Variants in PCDHAC1 observed in about 807,000 individuals in gnomAD.
PCDHAC1 encodes protocadherin alpha subfamily C, 1.
A neutral mutation model predicts 60.0 loss-of-function variants in PCDHAC1; 42 were observed. That is an observed-to-expected ratio of 0.70 (90% CI 0.55 to 0.90). The LOEUF (loss-of-function observed/expected upper bound fraction) is 0.90. Among genes scored for constraint, PCDHAC1 ranks in the 40% least tolerant of loss-of-function variants. The pLI is 0.00. For missense variants in PCDHAC1, 1,160 were observed against 1,222.3 expected (o/e 0.95, Z 0.76); for synonymous variants, 468 against 499.3 (o/e 0.94, Z 0.84).
intron 1 of PCDHAC1, among the ~76,000 whole-genome samples, chr5:140,939,509 C>T (rs1013863525): frequency 9.3e-5 from 14 of 150,592 alleles, no homozygotes; most frequent in Non-Finnish European, 1.8e-4. Flanking sequence ...ATGTCTATAA[C>T]ATTAATAGTT....
chr5:140,984,981 A>G (rs2097130201), intron 3 of PCDHAC1, among the ~76,000 whole-genome samples: 1 of 151,972 alleles, frequency 6.6e-6, no homozygotes, highest in South Asian at 2.1e-4. Flanking sequence ...TCTGTCCCCC[A>G]GGCTGGAGTC....
chr5:140,967,969 C>T (rs997628696), intron 1 of PCDHAC1: 3 of 1,614,064 alleles, frequency 1.9e-6, no homozygotes, highest in African/African-American at 1.3e-5. Flanking sequence ...GGAAAGTGAG[C>T]CTGGGTCTGG....
intron 2 of PCDHAC1, chr5:140,982,197 A>G: frequency 1.5e-5 from 6 of 389,618 alleles, no homozygotes; most frequent in Non-Finnish European, 2.1e-5. Flanking sequence ...TTCCTGTTAG[A>G]TTTAGTGAGC....
At chr5:141,000,415 ATATATATTTTTT>A (rs1251582263) in intron 3 of PCDHAC1, among the ~76,000 whole-genome samples, 1 of 87,388 alleles carries the variant, frequency 1.1e-5, no homozygotes, top group East Asian at 3.4e-4. Context: ...ATATATATAT[ATATATATTTTTT>A]TTTTTTTTTT....
chr5:140,958,020 A>G (rs536128192), intron 1 of PCDHAC1, among the ~76,000 whole-genome samples: 90 of 152,262 alleles, frequency 5.9e-4, no homozygotes, highest in African/African-American at 2.1e-3. Context: ...TCAGCCAAGT[A>G]TACTATGCTT....
At chr5:140,936,849 G>A (rs927747848) in intron 1 of PCDHAC1, among the ~76,000 whole-genome samples, 1 of 152,006 alleles carries the variant, frequency 6.6e-6, no homozygotes, top group Non-Finnish European at 1.5e-5. Context: ...TGTAGATTCA[G>A]CTTCTCAGTT....
chr5:140,957,778 A>G (rs1554223119), intron 1 of PCDHAC1, among the ~76,000 whole-genome samples: 4 of 152,122 alleles, frequency 2.6e-5, no homozygotes, highest in African/African-American at 9.7e-5. Context: ...AGTAAAAACT[A>G]AGTTCATCAT....
intron 3 of PCDHAC1, among the ~76,000 whole-genome samples, chr5:140,998,830 C>G (rs1385890461): frequency 6.6e-6 from 1 of 152,200 alleles, no homozygotes; most frequent in African/African-American, 2.4e-5. Flanking sequence ...TCCCAAAGTG[C>G]TGGATTACTG....
intron 3 of PCDHAC1, among the ~76,000 whole-genome samples, chr5:141,005,659 G>T (rs963015988): frequency 1.6e-5 from 2 of 123,890 alleles, no homozygotes; most frequent in South Asian, 2.6e-4. Flanking sequence ...TCGAGATCGC[G>T]CCACTGCACT....
At chr5:140,976,888 A>C (rs1050816491) in intron 1 of PCDHAC1, among the ~76,000 whole-genome samples, 1 of 152,218 alleles carries the variant, frequency 6.6e-6, no homozygotes, top group Non-Finnish European at 1.5e-5. Context: ...ATTAGGATAC[A>C]TGCAACAGTA....
chr5:141,003,411 G>A (rs537266386), intron 3 of PCDHAC1, among the ~76,000 whole-genome samples: 4 of 152,092 alleles, frequency 2.6e-5, no homozygotes, highest in Non-Finnish European at 4.4e-5. Context: ...TCCCGGGTTC[G>A]AGTGATTCTT....
At chr5:140,958,652 G>A (rs991773774) in intron 1 of PCDHAC1, among the ~76,000 whole-genome samples, 15 of 152,030 alleles carry the variant, frequency 9.9e-5, no homozygotes, top group Admixed American at 2.6e-4. Flanking sequence ...ATCACAGAAA[G>A]CTATGATGAA....
At chr5:140,932,309 ATATAT>A (rs1441363335) in intron 1 of PCDHAC1, among the ~76,000 whole-genome samples, 6 of 151,956 alleles carry the variant, frequency 3.9e-5, no homozygotes, top group Non-Finnish European at 8.8e-5. Context: ...AAAGGTATAA[ATATAT>A]TAATGTAGCA....
chr5:140,941,286 CTCTT>C (rs5871754), intron 1 of PCDHAC1, among the ~76,000 whole-genome samples: 36,780 of 106,460 alleles, frequency 0.35, 6,423 homozygotes, highest in East Asian at 0.56. Flanking sequence ...TCCTTCCTTT[CTCTT>C]TCTTTCTTTC....
rs782681619 is a variant in PCDHAC1, at chr5:141,009,600, A to G, written c.2582-27A>G. On this transcript the variant is annotated intron_variant, in intron 3 of 3. Coordinates refer to ENST00000253807, the MANE Select transcript of PCDHAC1 (RefSeq NM_018898.5). ...ATCAAGAGCATGTGTTGACCCTGTT[A>G]ATGATTTGTAATGTTTTGTCTTTCA... The G allele has an allele frequency of 1.9e-6, 3 of 1,607,002 alleles. No individual in the cohort carries two copies. In the Admixed American group the frequency reaches 5.0e-5, roughly 27 times the overall value.
intron 1 of PCDHAC1, among the ~76,000 whole-genome samples, chr5:140,941,795 T>G (rs1175900170): frequency 5.9e-5 from 9 of 152,226 alleles, no homozygotes; most frequent in Admixed American, 2.6e-4. Flanking sequence ...CCAAGAATAT[T>G]TAGTTGATTT....
Position 141,009,631 on chromosome 5 carries a change from A to G in PCDHAC1, c.2586A>G (p.Pro862=). 6.2e-7 allele frequency: 1 copy of G among 1,613,068 alleles called. No individual in the cohort carries two copies. The highest frequency in any genetic ancestry group is 8.5e-7 in the Non-Finnish European group (1 of 1,179,354). The change falls in exon 4 of 4, where the codon CCA becomes CCG. Residue 862 remains proline (P), a synonymous_variant. Transcript: ENST00000253807. ...WPTVSSATPE[P]EAGEVSPPVG... is the part of the protein sequence containing the mutation. ...TTGTAATGTTTTGTCTTTCAGAACC[A>G]GAGGCAGGAGAAGTGTCCCCTCCAG...
chr5:140,931,215 CAG>C (rs2087377353), intron 1 of PCDHAC1, among the ~76,000 whole-genome samples: 1 of 152,106 alleles, frequency 6.6e-6, no homozygotes, highest in East Asian at 1.9e-4. Flanking sequence ...TTTCAGGTAT[CAG>C]AGCACTTAAT....
At chr5:140,968,665 T>C (rs782078145) in intron 1 of PCDHAC1, 4 of 1,614,042 alleles carry the variant, frequency 2.5e-6, no homozygotes, top group Non-Finnish European at 3.4e-6. Context: ...TGGACCTCTT[T>C]AAGGTAGAGC....
Sources: allele counts gnomAD v4.1 joint callset (sites outside exome capture counted in the v4.1 genomes callset), GRCh38; gene constraint gnomAD v4.1.1; transcripts MANE v1.5; gene names NCBI Gene and HGNC (gene_info 2026-07-23, HGNC 2026-07-21).